Variants in SLC35D2 observed in about 807,000 individuals in gnomAD.
SLC35D2 encodes nucleotide sugar transporter SLC35D2.
A neutral mutation model predicts 41.8 loss-of-function variants in SLC35D2; 43 were observed. The ratio of observed to expected loss-of-function variants is 1.03; its 90% CI spans 0.81 to 1.33. SLC35D2 has a LOEUF of 1.33. SLC35D2 is among the 40% of genes most tolerant of loss of function. The pLI is 0.00. For missense variants in SLC35D2, 380 were observed against 408.4 expected, an observed-to-expected ratio of 0.93 and a Z score of 0.60; for synonymous variants, 150 against 163.9, an observed-to-expected ratio of 0.92 and a Z score of 0.65.
rs765064424 is a variant in SLC35D2 at position 96,321,193 on chromosome 9, C to T, written c.*49G>A. 23 of 1,396,018 alleles carry T rather than the reference C, an allele frequency of 1.6e-5. No homozygotes were observed. Among genetic ancestry groups the T allele is most frequent in the South Asian group, 2.4e-5 (2 of 84,586 alleles). 86.5% of individuals were successfully genotyped at this position (1,396,018 alleles called of 1,614,324 possible). ...GGCTTCACATTCCTACTGGGAATGC[C>T]CCCCCAGCCCGCAGTCACAAGTCAG... On this transcript the variant is annotated 3_prime_UTR_variant, in exon 12 of 12. Transcript: ENST00000253270.
At chr9:96,366,779 TC>T (rs1429593074) in intron 2 of SLC35D2, among the ~76,000 whole-genome samples, 1 of 151,042 alleles carries the variant, frequency 6.6e-6, no homozygotes, top group Non-Finnish European at 1.5e-5. Context: ...CTCGGCCTGA[TC>T]TTTTTTTTTT....
At chr9:96,328,475 C>T (rs141296886) in intron 9 of SLC35D2, among the ~76,000 whole-genome samples, 3 of 152,314 alleles carry the variant, frequency 2.0e-5, no homozygotes, top group Admixed American at 6.5e-5. Flanking sequence ...ACAGCACATA[C>T]ATCTGATGCA....
intron 4 of SLC35D2, among the ~76,000 whole-genome samples, chr9:96,355,894 A>C (rs1341138594): frequency 2.0e-5 from 3 of 152,252 alleles, no homozygotes; most frequent in African/African-American, 4.8e-5. Flanking sequence ...TAAGTTATTA[A>C]AACCTTATGT....
chr9:96,346,015 A>G (rs1423267188), intron 6 of SLC35D2, among the ~76,000 whole-genome samples: 2 of 152,236 alleles, frequency 1.3e-5, no homozygotes, highest in Non-Finnish European at 2.9e-5. Flanking sequence ...TGACAGGAAC[A>G]AGAGGAAGAG....
Position 96,383,642 on chromosome 9 carries a change from G to A in SLC35D2, c.-8C>T. On this transcript the variant is annotated 5_prime_UTR_variant, in exon 1 of 12. Coordinates refer to ENST00000253270, the MANE Select transcript of SLC35D2 (RefSeq NM_007001.3). ...CTGGCCGCCGGCCGTCATCTCCTGCGGCCCCGCGGACCCCGCCGCCCGCCA... is the reference window on the plus strand; with the variant it reads ...CTGGCCGCCGGCCGTCATCTCCTGCAGCCCCGCGGACCCCGCCGCCCGCCA... 2 of 1,065,282 alleles carry A rather than the reference G, an allele frequency of 1.9e-6. No homozygotes were observed. Among genetic ancestry groups the A allele is most frequent in the Non-Finnish European group, 2.3e-6 (2 of 884,762 alleles). 66.0% of individuals were successfully genotyped at this position (1,065,282 alleles called of 1,614,324 possible).
At position 96,348,855 on chromosome 9, in the gene SLC35D2, A is replaced by G. The variant is rs541198925; in HGVS notation, c.488+2248T>C. On this transcript the variant is annotated intron_variant, in intron 6 of 11. Coordinates refer to ENST00000253270, the MANE Select transcript of SLC35D2 (RefSeq NM_007001.3). ...CTGGATTTCTGATCACTGGTTCTGGAAACGCACCTGCATACCCACGGTAAC... is the reference window on the plus strand; with the variant it reads ...CTGGATTTCTGATCACTGGTTCTGGGAACGCACCTGCATACCCACGGTAAC... 2.6e-5 allele frequency among the ~76,000 whole-genome samples: 4 copies of G among 152,342 alleles called. No individual in the cohort carries two copies. In the South Asian group the frequency reaches 8.3e-4, roughly 32 times the overall value.
chr9:96,341,107 T>A (rs1384409868), intron 8 of SLC35D2, among the ~76,000 whole-genome samples: 1 of 152,002 alleles, frequency 6.6e-6, no homozygotes, highest in African/African-American at 2.4e-5. Context: ...GCCAACATGG[T>A]GAAACCCCGT....
intron 3 of SLC35D2, among the ~76,000 whole-genome samples, chr9:96,360,646 A>G (rs1441931635): frequency 4.0e-5 from 6 of 149,920 alleles, no homozygotes; most frequent in South Asian, 2.1e-4. Context: ...AAAAAAAAAA[A>G]AAAAAAAAGA....
intron 2 of SLC35D2, among the ~76,000 whole-genome samples, chr9:96,365,882 G>A (rs10116791): frequency 0.057 from 8,599 of 152,130 alleles, 819 homozygotes; most frequent in African/African-American, 0.2. Flanking sequence ...CCTTCAACAC[G>A]ATTATAATCC....
intron 2 of SLC35D2, 150 bp downstream of exon 2, chr9:96,368,122 G>A: frequency 1.9e-6 from 1 of 532,750 alleles, no homozygotes; most frequent in Non-Finnish European, 3.4e-6. Context: ...GTGTCAATAT[G>A]TCCTGTTGTC....
intron 6 of SLC35D2, among the ~76,000 whole-genome samples, chr9:96,347,880 C>A (rs1158624225): frequency 6.6e-6 from 1 of 152,186 alleles, no homozygotes; most frequent in Non-Finnish European, 1.5e-5. Flanking sequence ...TGCTACACTC[C>A]CGCCAGCGCC....
At chr9:96,359,947 A>G (rs1412901051) in intron 4 of SLC35D2, among the ~76,000 whole-genome samples, 1 of 152,252 alleles carries the variant, frequency 6.6e-6, no homozygotes, top group Admixed American at 6.5e-5. Flanking sequence ...AGGCTTGAAT[A>G]TAATTTAAAA....
chr9:96,338,380 C>G (rs1340734075), intron 8 of SLC35D2, among the ~76,000 whole-genome samples: 1 of 152,200 alleles, frequency 6.6e-6, no homozygotes, highest in African/African-American at 2.4e-5. Flanking sequence ...CACTTCACTT[C>G]TCAAAAGGAT....
intron 5 of SLC35D2, among the ~76,000 whole-genome samples, chr9:96,351,551 TCCTC>T (rs1829814599): frequency 6.6e-6 from 1 of 151,912 alleles, no homozygotes; most frequent in Non-Finnish European, 1.5e-5. Context: ...TTCTAAATAA[TCCTC>T]CCAGCAAAAT....
intron 9 of SLC35D2, among the ~76,000 whole-genome samples, chr9:96,332,671 C>T (rs1185122927): frequency 1.3e-5 from 2 of 151,466 alleles, no homozygotes; most frequent in African/African-American, 2.4e-5. Flanking sequence ...CCCAGCTACT[C>T]GAGAGGCTGA....
At chr9:96,355,818 A>G (rs906283959) in intron 4 of SLC35D2, among the ~76,000 whole-genome samples, 7 of 152,176 alleles carry the variant, frequency 4.6e-5, no homozygotes, top group Admixed American at 4.6e-4. Flanking sequence ...GTTTAAATCA[A>G]AAAAAGAAAG....
chr9:96,351,579 T>C (rs866160358), intron 5 of SLC35D2, among the ~76,000 whole-genome samples: 57 of 152,270 alleles, frequency 3.7e-4, no homozygotes, highest in African/African-American at 1.2e-3. Context: ...GAATCAACTT[T>C]TTGGATATCA....
chr9:96,344,677 G>A (rs1433325313), intron 7 of SLC35D2, among the ~76,000 whole-genome samples: 1 of 131,982 alleles, frequency 7.6e-6, no homozygotes, highest in Non-Finnish European at 1.6e-5. Context: ...AGAAACATAT[G>A]CCTGACTCAT....
In SLC35D2 at chr9:96,359,266, T is replaced by G. The variant is rs1016208590; in HGVS notation, c.347+888A>C. On this transcript the variant is annotated intron_variant, in intron 4 of 11. Transcript: ENST00000253270. ...TTGCAGTGAGCCGAGATTGTGCCAC[T>G]GCACTCACTCTAGCCTGGGCGACAG... Among the ~76,000 whole-genome samples the G allele has an allele frequency of 4.1e-5, 3 of 72,582 alleles. No individual in the cohort carries two copies. The African/African-American group carries it at 4.4e-4, about 11-fold the overall frequency. 47.6% of individuals were successfully genotyped at this position (72,582 alleles called of 152,430 possible).
Sources: allele counts gnomAD v4.1 joint callset (sites outside exome capture counted in the v4.1 genomes callset), GRCh38; gene constraint gnomAD v4.1.1; transcripts MANE v1.5; gene names NCBI Gene and HGNC (gene_info 2026-07-23, HGNC 2026-07-21).